Variants in FRAS1 observed in about 807,000 individuals in gnomAD.
FRAS1 encodes extracellular matrix organizing protein FRAS1.
FRAS1 carries 290 observed loss-of-function variants against 435.2 expected under a neutral mutation model. That is an observed-to-expected ratio of 0.67 (90% confidence interval 0.61 to 0.73). FRAS1 has a LOEUF of 0.73. FRAS1 is among the 30% of genes least tolerant of loss of function. The pLI is 0.00. For synonymous variants in FRAS1, 1,800 were observed against 1,851.0 expected, an observed-to-expected ratio of 0.97 and a Z score of 0.71; for missense variants, 4,860 against 5,001.5, an observed-to-expected ratio of 0.97 and a Z score of 0.85.
chr4:78,086,380 G>T (rs1394481419), intron 2 of FRAS1, among the ~76,000 whole-genome samples: 1 of 152,126 alleles, frequency 6.6e-6, no homozygotes, highest in Non-Finnish European at 1.5e-5. Context: ...AGAAGCAAGA[G>T]CAAACACATT....
chr4:78,177,064 G>T (rs897367384), intron 2 of FRAS1, among the ~76,000 whole-genome samples: 57 of 151,718 alleles, frequency 3.8e-4, no homozygotes, highest in African/African-American at 6.8e-4. Context: ...ACCTCAATGG[G>T]AGGGAGAGAG....
At chr4:78,331,826 G>A (rs1207702289) in intron 18 of FRAS1, among the ~76,000 whole-genome samples, 1 of 152,174 alleles carries the variant, frequency 6.6e-6, no homozygotes, top group Non-Finnish European at 1.5e-5. Flanking sequence ...GAGATAAATG[G>A]CTGGTTGTTT....
chr4:78,470,337 A>G (rs950371055), intron 51 of FRAS1, among the ~76,000 whole-genome samples: 3 of 152,192 alleles, frequency 2.0e-5, no homozygotes, highest in African/African-American at 7.2e-5. Context: ...GTCAAGCTAG[A>G]TAGAAGTTTA....
At chr4:78,132,767 T>C (rs1436679051) in intron 2 of FRAS1, among the ~76,000 whole-genome samples, 1 of 152,130 alleles carries the variant, frequency 6.6e-6, no homozygotes, top group East Asian at 1.9e-4. Flanking sequence ...CCTGAAAAGT[T>C]TGTAGAGGGT....
chr4:78,210,097 T>C (rs1723440530), intron 2 of FRAS1, among the ~76,000 whole-genome samples: 1 of 152,204 alleles, frequency 6.6e-6, no homozygotes, highest in African/African-American at 2.4e-5. Context: ...CAGCACACTG[T>C]GCTATTCCAC....
At position 78,333,338 on chromosome 4, in the gene FRAS1, C is replaced by G. The variant is rs1295611087; in HGVS notation, c.2204C>G (p.Ser735Cys). The change falls in exon 19 of 74, where the codon TCC (serine) becomes TGC (cysteine). Residue 735 changes from serine to cysteine, a missense_variant. Coordinates refer to ENST00000512123, the MANE Select transcript of FRAS1 (RefSeq NM_025074.7). ...SPHNCTDCGP[S>C]HVLLDGQCLS... Reference sequence around the variant, plus strand: ...CATAACTGCACAGACTGTGGGCCTTCCCATGTGCTGTTGGATGGGCAGTGC... The same window carrying G: ...CATAACTGCACAGACTGTGGGCCTTGCCATGTGCTGTTGGATGGGCAGTGC... 6.2e-7 allele frequency: 1 copy of G among 1,612,444 alleles called. No individual in the cohort carries two copies. Among genetic ancestry groups the G allele is most frequent in the African/African-American group, 1.3e-5 (1 of 74,916 alleles).
At chr4:78,306,979 T>TC (rs960103784) in intron 14 of FRAS1, among the ~76,000 whole-genome samples, 18 of 152,222 alleles carry the variant, frequency 1.2e-4, no homozygotes, top group Non-Finnish European at 2.4e-4. Context: ...CTCTGTTTTT[T>TC]CCCCATCTTC....
intron 2 of FRAS1, among the ~76,000 whole-genome samples, chr4:78,152,607 CTTTTTTTTTTTT>C (rs71214398): frequency 4.1e-5 from 3 of 72,412 alleles, no homozygotes; most frequent in African/African-American, 5.4e-5. Flanking sequence ...ATGTAGGCTG[CTTTTTTTTTTTT>C]TTTTTTTTTT....
chr4:78,479,940 T>A (rs1326909739), intron 56 of FRAS1, among the ~76,000 whole-genome samples: 1 of 152,172 alleles, frequency 6.6e-6, no homozygotes, highest in Non-Finnish European at 1.5e-5. Flanking sequence ...TTTTAGTAAA[T>A]TTTTGTGGGT....
chr4:78,400,427 T>A (rs187646762), intron 29 of FRAS1, among the ~76,000 whole-genome samples: 1 of 152,106 alleles, frequency 6.6e-6, no homozygotes, highest in East Asian at 1.9e-4. Flanking sequence ...TATGGGTGGG[T>A]GGAGAGGATA....
At chr4:78,487,638 C>T (rs1009633426) in intron 58 of FRAS1, among the ~76,000 whole-genome samples, 5 of 152,142 alleles carry the variant, frequency 3.3e-5, no homozygotes, top group African/African-American at 1.2e-4. Flanking sequence ...AATGATTCTT[C>T]ATATTGAGAA....
intron 6 of FRAS1, among the ~76,000 whole-genome samples, chr4:78,256,120 T>C (rs1487834146): frequency 6.6e-6 from 1 of 152,170 alleles, no homozygotes; most frequent in Non-Finnish European, 1.5e-5. Flanking sequence ...AAGCAGTACT[T>C]TGTGTCAAAT....
rs1041198065 is a variant in FRAS1, at chr4:78,473,829, A to T, written c.7682+232A>T. On this transcript the variant is annotated intron_variant, in intron 53 of 73. Transcript: ENST00000512123. ...ATATAATACTTGGAATTCTGAGATGAATTCCATTCCTGTCTCCACAGTGGC... is the reference window on the plus strand; with the variant it reads ...ATATAATACTTGGAATTCTGAGATGTATTCCATTCCTGTCTCCACAGTGGC... 2.0e-5 allele frequency among the ~76,000 whole-genome samples: 3 copies of T among 152,160 alleles called. No homozygotes were observed. In the East Asian group the frequency reaches 5.8e-4, roughly 29 times the overall value.
chr4:78,259,603 A>G (rs562212646), intron 6 of FRAS1, among the ~76,000 whole-genome samples: 2 of 150,710 alleles, frequency 1.3e-5, no homozygotes, highest in Admixed American at 6.6e-5. Flanking sequence ...GATTCTGGAT[A>G]TTAGCCCTTT....
chr4:78,075,657 T>C (rs1204722186), intron 2 of FRAS1, among the ~76,000 whole-genome samples: 3 of 152,144 alleles, frequency 2.0e-5, no homozygotes, highest in Admixed American at 2.0e-4. Flanking sequence ...ATAGAGATAA[T>C]AGTTGTGCCT....
chr4:78,302,624 C>T (rs890599138), intron 14 of FRAS1, among the ~76,000 whole-genome samples: 1 of 152,008 alleles, frequency 6.6e-6, no homozygotes, highest in Non-Finnish European at 1.5e-5. Context: ...AGCATTTTTT[C>T]ATGTGTCTTT....
chr4:78,195,853 C>T (rs1722787847), intron 2 of FRAS1, among the ~76,000 whole-genome samples: 1 of 152,098 alleles, frequency 6.6e-6, no homozygotes, highest in South Asian at 2.1e-4. Flanking sequence ...AATCACCCAT[C>T]TTCTGCATCA....
At chr4:78,490,863 G>A (rs911177164) in intron 59 of FRAS1, among the ~76,000 whole-genome samples, 15 of 25,636 alleles carry the variant, frequency 5.9e-4, no homozygotes, top group Non-Finnish European at 2.6e-4. Flanking sequence ...AGTGAATCCA[G>A]GAGCTGGTTT....
Position 78,155,566 on chromosome 4 carries a change from G to T in FRAS1, c.109-81944G>T, listed in dbSNP as rs891943894. Among the ~76,000 whole-genome samples the T allele has an allele frequency of 3.3e-5, 5 of 152,216 alleles. No homozygotes were observed. The South Asian group carries it at 8.3e-4, about 25-fold the overall frequency. Reference sequence around the variant, plus strand: ...TCTTCAAGTTAACTGATAATACACAGTGAGTTGCTTTTTCTAATACAGAAA... The same window carrying T: ...TCTTCAAGTTAACTGATAATACACATTGAGTTGCTTTTTCTAATACAGAAA... On this transcript the variant is annotated intron_variant, in intron 2 of 73. Transcript: ENST00000512123.
Sources: gnomAD v4.1 joint callset for allele counts (sites outside exome capture counted in the v4.1 genomes callset) on GRCh38, gnomAD v4.1.1 for gene constraint, MANE v1.5 for transcripts, NCBI Gene and HGNC (gene_info 2026-07-23, HGNC 2026-07-21) for gene names.